CAPN13: variants seen among roughly 807,000 people sequenced by gnomAD.
The protein encoded by CAPN13 is calpain-13.
In CAPN13, 90 loss-of-function variants were observed where a neutral mutation model predicts 98.4. That is an observed-to-expected ratio of 0.92 (90% CI 0.77 to 1.09). The LOEUF is 1.09. CAPN13 is among the 50% of genes least tolerant of loss of function. The probability of loss-of-function intolerance (pLI) is 0.00; values close to 1 mark genes in which losing one functional copy is unlikely to be tolerated. For synonymous variants in CAPN13, 330 were observed against 305.5 expected (o/e 1.08, Z -0.84); for missense variants, 887 against 841.3 (o/e 1.05, Z -0.67).
intron 11 of CAPN13, among the ~76,000 whole-genome samples, chr2:30,749,291 G>A (rs1471409934): frequency 4.6e-5 from 7 of 152,224 alleles, no homozygotes; most frequent in African/African-American, 1.4e-4. Context: ...GACTAGAGAT[G>A]CTGAATCAGT....
chr2:30,756,754 A>C (rs999811231), intron 8 of CAPN13, among the ~76,000 whole-genome samples: 1 of 152,200 alleles, frequency 6.6e-6, no homozygotes, highest in African/African-American at 2.4e-5. Context: ...GGAAGGAAGA[A>C]AGAATAGAGG....
intron 1 of CAPN13, among the ~76,000 whole-genome samples, 175 bp from the exon 2 acceptor site, chr2:30,787,532 C>T (rs1674358424): frequency 6.6e-6 from 1 of 152,236 alleles, no homozygotes; most frequent in African/African-American, 2.4e-5. Flanking sequence ...AGCATCCTCA[C>T]TCCCAGTTAA....
At chr2:30,776,625 C>T (rs149528021) in intron 3 of CAPN13, among the ~76,000 whole-genome samples, 5 of 152,278 alleles carry the variant, frequency 3.3e-5, no homozygotes, top group African/African-American at 1.2e-4. Context: ...TCAGCCCGTC[C>T]CTGTGCAGAA....
At chr2:30,726,116 T>C (rs1335809005) in intron 22 of CAPN13, among the ~76,000 whole-genome samples, 1 of 152,226 alleles carries the variant, frequency 6.6e-6, no homozygotes, top group Non-Finnish European at 1.5e-5. Context: ...GTGTTTCGCT[T>C]TGTGCTAAGG....
At position 30,777,618 on chromosome 2, in the gene CAPN13, G is replaced by A; in HGVS notation, c.220C>T (p.His74Tyr). 6.3e-7 allele frequency: 1 copy of A among 1,578,538 alleles called. No individual in the cohort carries two copies. The highest frequency in any genetic ancestry group is 8.6e-7 in the Non-Finnish European group (1 of 1,160,468). ...CTGCTTATATCATCCAGGATGAAGTGAGGAGGACCCCCTGGTAGATCCTTT... is the reference window on the plus strand; with the variant it reads ...CTGCTTATATCATCCAGGATGAAGTAAGGAGGACCCCCTGGTAGATCCTTT... ...RPQDLPGGPPHFILDDISRFD... is the reference protein window; with the variant it reads ...RPQDLPGGPPYFILDDISRFD... The change falls in exon 3 of 23, where the codon CAC becomes TAC. Residue 74 changes from histidine (H) to tyrosine (Y), a missense_variant. Coordinates refer to ENST00000295055, the MANE Select transcript of CAPN13 (RefSeq NM_144575.3).
At chr2:30,738,973 A>G (rs1238226920) in intron 15 of CAPN13, among the ~76,000 whole-genome samples, 1 of 152,190 alleles carries the variant, frequency 6.6e-6, no homozygotes, top group African/African-American at 2.4e-5. Context: ...CATTGAGCAC[A>G]TTACGTAGCA....
At chr2:30,787,405 T>C in intron 1 of CAPN13, 48 bp from the exon 2 acceptor site, 1 of 1,410,880 alleles carries the variant, frequency 7.1e-7, no homozygotes, top group Non-Finnish European at 9.5e-7. Flanking sequence ...ATCAAGTCCT[T>C]TGCATCATCA....
At chr2:30,802,171 G>A (rs1451697627) in intron 1 of CAPN13, among the ~76,000 whole-genome samples, 1 of 152,088 alleles carries the variant, frequency 6.6e-6, no homozygotes, top group Non-Finnish European at 1.5e-5. Flanking sequence ...GTTGGGGGGT[G>A]GCGGGGGTTT....
chr2:30,777,614 A>G lies in CAPN13; in HGVS notation c.224T>C (p.Phe75Ser), dbSNP rs376296265. 5.1e-5 allele frequency: 80 copies of G among 1,579,392 alleles called. No individual in the cohort carries two copies. The highest frequency in any genetic ancestry group is 6.5e-5 in the Non-Finnish European group (75 of 1,161,044). The stretch of plus-strand genomic sequence containing the variant: ...AAATCTGCTTATATCATCCAGGATG[A>G]AGTGAGGAGGACCCCCTGGTAGATC... Reference protein sequence around the residue: ...PQDLPGGPPHFILDDISRFDI... With the variant: ...PQDLPGGPPHSILDDISRFDI... The change falls in exon 3 of 23, where the codon TTC (phenylalanine) becomes TCC (serine). Residue 75 changes from phenylalanine to serine, a missense_variant. Physicochemically the swap from Phe to Ser is radical, Grantham distance 155 (BLOSUM62 -2). Transcript: ENST00000295055.
intron 1 of CAPN13, among the ~76,000 whole-genome samples, chr2:30,793,431 A>C (rs1342153291): frequency 6.6e-6 from 1 of 151,736 alleles, no homozygotes; most frequent in Non-Finnish European, 1.5e-5. Context: ...TTGCTGAGAA[A>C]AATTAAAGGA....
At chr2:30,779,721 G>C (rs1673891602) in intron 2 of CAPN13, among the ~76,000 whole-genome samples, 1 of 151,814 alleles carries the variant, frequency 6.6e-6, no homozygotes, top group Admixed American at 6.5e-5. Flanking sequence ...GAAAGAAAAA[G>C]ACAAAAAGAG....
rs560273028 is a variant in CAPN13, at chr2:30,773,027, T to G, written c.388-2578A>C. Among the ~76,000 whole-genome samples, 3 of 152,292 alleles carry G rather than the reference T, an allele frequency of 2.0e-5. No homozygotes were observed. The East Asian group carries it at 5.8e-4, about 29-fold the overall frequency. On this transcript the variant is annotated intron_variant, in intron 4 of 22. Coordinates refer to ENST00000295055, the MANE Select transcript of CAPN13 (RefSeq NM_144575.3). Reference sequence around the variant, plus strand: ...TTTTAGTAGAGATGGGGTTTCACCATGTTGGCCAGGATGGCTTCGATCTCC... The same window carrying G: ...TTTTAGTAGAGATGGGGTTTCACCAGGTTGGCCAGGATGGCTTCGATCTCC...
chr2:30,770,174 C>T (rs1673324404), intron 5 of CAPN13, 139 bp downstream of exon 5: 1 of 1,184,414 alleles, frequency 8.4e-7, no homozygotes. Flanking sequence ...CAACATGGAC[C>T]TTTGCACGTG....
intron 15 of CAPN13, among the ~76,000 whole-genome samples, chr2:30,738,877 T>TGTGTGTATGTGTG (rs58150168): frequency 9.1e-5 from 7 of 76,982 alleles, no homozygotes; most frequent in Non-Finnish European, 1.7e-4. Flanking sequence ...TGTGTGTGTG[T>TGTGTGTATGTGTG]TGTGTGTATG....
intron 15 of CAPN13, among the ~76,000 whole-genome samples, chr2:30,740,072 A>C (rs1671572640): frequency 7.1e-6 from 1 of 141,060 alleles, no homozygotes. Context: ...GTATCAAGTC[A>C]TTGTATTAGG....
rs527830378 is a variant in CAPN13 at position 30,742,947 on chromosome 2, C to T, written c.1445+436G>A. 7.2e-5 allele frequency among the ~76,000 whole-genome samples: 11 copies of T among 152,256 alleles called. No homozygotes were observed. The East Asian group carries it at 1.5e-3, about 21-fold the overall frequency. On this transcript the variant is annotated intron_variant, in intron 13 of 22. Coordinates refer to ENST00000295055, the MANE Select transcript of CAPN13 (RefSeq NM_144575.3). ...AAATGCCACCTTCCTGTATGGATGC[C>T]GATGCTACTTACTCTCCAAGCAGCC...
chr2:30,753,957 C>A (rs1359468194), intron 9 of CAPN13, among the ~76,000 whole-genome samples: 1 of 152,146 alleles, frequency 6.6e-6, no homozygotes, highest in Non-Finnish European at 1.5e-5. Flanking sequence ...AGGGTCCCAG[C>A]AAGATGGTAC....
At chr2:30,761,770 A>G (rs1672862166) in intron 7 of CAPN13, among the ~76,000 whole-genome samples, 1 of 152,214 alleles carries the variant, frequency 6.6e-6, no homozygotes, top group Non-Finnish European at 1.5e-5. Context: ...GATTGGAGAT[A>G]CTGTCTTGGT....
chr2:30,772,156 C>T (rs1428669097), intron 4 of CAPN13, among the ~76,000 whole-genome samples: 4 of 152,208 alleles, frequency 2.6e-5, no homozygotes, highest in African/African-American at 9.6e-5. Flanking sequence ...ATGCAAAAGG[C>T]CTGATTGGTG....
Sources: allele counts gnomAD v4.1 joint callset (sites outside exome capture counted in the v4.1 genomes callset), GRCh38; gene constraint gnomAD v4.1.1; transcripts MANE v1.5; gene names NCBI Gene and HGNC (gene_info 2026-07-23, HGNC 2026-07-21).